The following TMBIM1 variants were observed in gnomAD, a reference collection of about 807,000 sequenced individuals.
TMBIM1 encodes the protein transmembrane BAX inhibitor motif containing 1, also known as protein lifeguard 3.
TMBIM1 carries 34 observed loss-of-function variants against 45.1 expected under a neutral mutation model. The ratio of observed to expected loss-of-function variants is 0.75; its 90% CI spans 0.57 to 1.00. TMBIM1 has a LOEUF of 1.00. Among genes scored for constraint, TMBIM1 ranks in the 50% least tolerant of loss-of-function variants. The probability of loss-of-function intolerance (pLI) is 0.00; values close to 1 mark genes in which losing one functional copy is unlikely to be tolerated. For missense variants in TMBIM1, 374 were observed against 402.4 expected (o/e 0.93, Z 0.60); for synonymous variants, 157 against 153.5 (o/e 1.02, Z -0.17).
At chr2:218,290,091 A>G (rs1692834349) in intron 1 of TMBIM1, 1 of 152,222 alleles carries the variant, frequency 6.6e-6, no homozygotes, top group African/African-American at 2.4e-5. Context: ...GTGGAGAAAC[A>G]GAATCACCTA....
At chr2:218,286,757 C>T (rs1053871040) in intron 1 of TMBIM1, 4 of 152,264 alleles carry the variant, frequency 2.6e-5, no homozygotes, top group African/African-American at 9.7e-5. Flanking sequence ...ACTGGGGTTA[C>T]AGCAAGAGGA....
At chr2:218,277,196 G>T in intron 9 of TMBIM1, 97 bp from the exon 10 acceptor site, 1 of 1,216,658 alleles carries the variant, frequency 8.2e-7, no homozygotes, top group Non-Finnish European at 1.2e-6. Context: ...GCCTCCTAGG[G>T]GGTATGGGAA....
At chr2:218,279,616 C>T (rs919593727) in intron 3 of TMBIM1, 2 of 498,788 alleles carry the variant, frequency 4.0e-6, no homozygotes, top group Non-Finnish European at 7.1e-6. Context: ...CCATACTCTA[C>T]CAGTATGGCC....
In TMBIM1 at chr2:218,289,625, G is replaced by GAAAAAA. The variant is rs10675061; in HGVS notation, c.-41+2835_-41+2840dup. Among the ~76,000 whole-genome samples the GAAAAAA allele has an allele frequency of 2.4e-4, 21 of 87,644 alleles. 1 individual carries two copies. Among genetic ancestry groups the GAAAAAA allele is most frequent in the Admixed American group, 7.3e-4 (5 of 6,810 alleles). 57.5% of individuals were successfully genotyped at this position (87,644 alleles called of 152,430 possible). Reference sequence around the variant, plus strand: ...CCACTGCACTCCAGCCTGGGCGACAGAAAAAAAAAAAAAAAAAAAAACTGA... The same window carrying GAAAAAA: ...CCACTGCACTCCAGCCTGGGCGACAGAAAAAAAAAAAAAAAAAAAAAAAAAAACTGA... On this transcript the variant is annotated intron_variant, in intron 1 of 11. Coordinates refer to ENST00000258412, the MANE Select transcript of TMBIM1 (RefSeq NM_022152.6).
chr2:218,289,442 G>C (rs997090066), intron 1 of TMBIM1, among the ~76,000 whole-genome samples: 6 of 151,984 alleles, frequency 3.9e-5, no homozygotes, highest in Non-Finnish European at 7.4e-5. Context: ...AGGTGTTCGA[G>C]ACCAGCCTGG....
chr2:218,279,485 G>C (rs1264055049), intron 3 of TMBIM1, 132 bp from the exon 4 acceptor site: 4 of 699,220 alleles, frequency 5.7e-6, no homozygotes, highest in Non-Finnish European at 9.1e-6. Context: ...GGCGACCCCA[G>C]TGAGATGCCT....
chr2:218,278,645 G>A (rs1691516620), intron 5 of TMBIM1, 80 bp from the exon 6 acceptor site: 1 of 1,483,314 alleles, frequency 6.7e-7, no homozygotes, highest in Non-Finnish European at 9.4e-7. Flanking sequence ...GTGATTTGGG[G>A]CCCAAATAGC....
chr2:218,285,105 G>A (rs751283957), intron 1 of TMBIM1, among the ~76,000 whole-genome samples: 8 of 152,110 alleles, frequency 5.3e-5, no homozygotes, highest in Non-Finnish European at 8.8e-5. Context: ...AAATAAAAAA[G>A]AAAATACACA....
intron 2 of TMBIM1, chr2:218,280,335 C>T (rs575792633): frequency 5.8e-6 from 3 of 517,860 alleles, no homozygotes; most frequent in East Asian, 3.5e-5. Context: ...GGGAAACGTT[C>T]CTCACGTGCA....
intron 10 of TMBIM1, among the ~76,000 whole-genome samples, chr2:218,276,584 C>G (rs1467446895): frequency 6.6e-6 from 1 of 152,206 alleles, no homozygotes. Context: ...CCATCCTTCC[C>G]CTTCGGCACT....
At chr2:218,285,028 T>G (rs933466901) in intron 1 of TMBIM1, among the ~76,000 whole-genome samples, 1 of 152,138 alleles carries the variant, frequency 6.6e-6, no homozygotes, top group African/African-American at 2.4e-5. Context: ...AGGCGGAGAT[T>G]CCAGTGAGCC....
At chr2:218,279,401 T>C in intron 3 of TMBIM1, 48 bp from the exon 4 acceptor site, 2 of 1,498,552 alleles carry the variant, frequency 1.3e-6, no homozygotes, top group African/African-American at 2.8e-5. Flanking sequence ...ACCCCTGGCC[T>C]GCCCCAGGAA....
At chr2:218,278,146 C>T in intron 6 of TMBIM1, 172 bp from the exon 7 acceptor site, 2 of 682,974 alleles carry the variant, frequency 2.9e-6, no homozygotes, top group East Asian at 2.7e-5. Flanking sequence ...GCAGGGACAA[C>T]ATGGGCCAAT....
chr2:218,277,364 A>G lies in TMBIM1; in HGVS notation c.639+2T>C. 1 of 1,613,906 alleles carries G rather than the reference A, an allele frequency of 6.2e-7. No individual in the cohort carries two copies. Among genetic ancestry groups the G allele is most frequent in the South Asian group, 1.1e-5 (1 of 91,086 alleles). On this transcript the variant is annotated splice_donor_variant, in intron 9 of 11. Coordinates refer to ENST00000258412, the MANE Select transcript of TMBIM1 (RefSeq NM_022152.6). LOFTEE classifies it high-confidence loss of function. ...CCAGGGAAGGGCCCTCCATGCCCTCACCTTGGTCTGAAAGCAGAAGATGGT... is the reference window on the plus strand; with the variant it reads ...CCAGGGAAGGGCCCTCCATGCCCTCGCCTTGGTCTGAAAGCAGAAGATGGT...
chr2:218,275,898 G>A, intron 11 of TMBIM1, 128 bp downstream of exon 11: 2 of 1,148,064 alleles, frequency 1.7e-6, no homozygotes, highest in Non-Finnish European at 2.5e-6. Flanking sequence ...TCTCTGGACA[G>A]TAGTGAGAGG....
chr2:218,279,459 T>C, intron 3 of TMBIM1, 106 bp from the exon 4 acceptor site: 1 of 1,076,738 alleles, frequency 9.3e-7, no homozygotes, highest in Non-Finnish European at 1.3e-6. Context: ...CCTCCCTAGC[T>C]GCAGCCTGGC....
intron 2 of TMBIM1, 76 bp downstream of exon 2, chr2:218,281,864 G>T: frequency 9.0e-7 from 1 of 1,115,898 alleles, no homozygotes; most frequent in Non-Finnish European, 1.3e-6. Flanking sequence ...AGAGAAAAGG[G>T]GCAGGAGGCG....
At chr2:218,281,238 C>T (rs964061369) in intron 2 of TMBIM1, among the ~76,000 whole-genome samples, 121 of 149,986 alleles carry the variant, frequency 8.1e-4, no homozygotes, top group African/African-American at 2.9e-3. Flanking sequence ...GGATTGCAAG[C>T]GATTCTCCTG....
chr2:218,280,053 C>T lies in TMBIM1; in HGVS notation c.276G>A (p.Arg92=). 6.2e-7 allele frequency: 1 copy of T among 1,614,158 alleles called. No homozygotes were observed. The highest frequency in any genetic ancestry group is 2.2e-5 in the East Asian group (1 of 44,880). The part of the protein sequence containing the change: ...DSFGPGEWDD[R]KVRHTFIRKV... ...TTCGGATAAAAGTGTGTCGCACTTT[C>T]CGGTCATCCCACTCTCCAGGCCCGA... Residue 92 remains arginine (R), a synonymous_variant, in exon 3 of 12, where the codon CGG becomes CGA. Transcript: ENST00000258412.
Sources: gnomAD v4.1 joint callset for allele counts (sites outside exome capture counted in the v4.1 genomes callset) on GRCh38, gnomAD v4.1.1 for gene constraint, MANE v1.5 for transcripts, NCBI Gene and HGNC (gene_info 2026-07-23, HGNC 2026-07-21) for gene names.